Variants in ATP13A3 observed in about 807,000 individuals in gnomAD.
The protein encoded by ATP13A3 is ATPase 13A3, also known as polyamine-transporting ATPase 13A3.
Under a neutral mutation model 158.1 loss-of-function variants are expected in ATP13A3, and 59 were observed. The observed-to-expected ratio is 0.37, with a 90% CI of 0.30 to 0.46. The LOEUF (loss-of-function observed/expected upper bound fraction) is 0.46. Among genes scored for constraint, ATP13A3 ranks in the 20% least tolerant of loss-of-function variants. The pLI is 1.00. For synonymous variants in ATP13A3, 491 were observed against 504.3 expected, an observed-to-expected ratio of 0.97 and a Z score of 0.35; for missense variants, 1,166 against 1,525.2, an observed-to-expected ratio of 0.76 and a Z score of 3.92.
At chr3:194,426,725 C>A (rs1437949421) in intron 29 of ATP13A3, among the ~76,000 whole-genome samples, 2 of 152,124 alleles carry the variant, frequency 1.3e-5, no homozygotes, top group African/African-American at 4.8e-5. Context: ...AAAAAACAAT[C>A]TCTTGGCTCA....
chr3:194,454,473 A>G lies in ATP13A3; in HGVS notation c.631-81T>C. On this transcript the variant is annotated intron_variant, in intron 8 of 33. Transcript: ENST00000645319. Reference sequence around the variant, plus strand: ...TGTCCATCTTTTCATTTGACAAACAAAAAGATACAAATATGTACAAGATAA... The same window carrying G: ...TGTCCATCTTTTCATTTGACAAACAGAAAGATACAAATATGTACAAGATAA... 13 of 1,364,992 alleles carry G rather than the reference A, an allele frequency of 9.5e-6. 1 individual carries two copies. The South Asian group carries it at 1.6e-4, about 17-fold the overall frequency. 84.6% of individuals were successfully genotyped at this position (1,364,992 alleles called of 1,614,324 possible).
intron 10 of ATP13A3, chr3:194,451,905 G>A (rs924936278): frequency 1.3e-5 from 2 of 152,460 alleles, no homozygotes; most frequent in Admixed American, 6.5e-5. Flanking sequence ...TCACATTTAA[G>A]TATCTTTTGA....
intron 2 of ATP13A3, among the ~76,000 whole-genome samples, chr3:194,472,634 A>G (rs1720354813): frequency 6.6e-6 from 1 of 152,214 alleles, no homozygotes; most frequent in Non-Finnish European, 1.5e-5. Flanking sequence ...CAACCCAGCA[A>G]TCCCATTACT....
chr3:194,437,484 G>T lies in ATP13A3; in HGVS notation c.1846-20C>A. The T allele has an allele frequency of 1.2e-6, 2 of 1,613,730 alleles. No individual in the cohort carries two copies. The highest frequency in any genetic ancestry group is 2.2e-5 in the South Asian group (2 of 91,046). ...AGTAGCCTATATCATTTCAAAAGAGGCACAAAGCACTTAATATTCTTAAAG... is the reference window on the plus strand; with the variant it reads ...AGTAGCCTATATCATTTCAAAAGAGTCACAAAGCACTTAATATTCTTAAAG... On this transcript the variant is annotated intron_variant, in intron 18 of 33. Transcript: ENST00000645319.
At position 194,494,304 on chromosome 3, in the gene ATP13A3, A is replaced by G. The variant is rs1322290655; in HGVS notation, n.516-24T>C. 2.5e-6 allele frequency: 1 copy of G among 398,428 alleles called. No individual in the cohort carries two copies. The highest frequency in any genetic ancestry group is 2.1e-5 in the African/African-American group (1 of 48,590). 24.7% of individuals were successfully genotyped at this position (398,428 alleles called of 1,614,324 possible). On this transcript the variant is annotated intron_variant and non_coding_transcript_variant, in intron 1 of 32. Coordinates refer to the ATP13A3 transcript ENST00000687055. The surrounding 1 kb of genome is among the most constrained non-coding windows in gnomAD (Gnocchi z 4.2). ...TGCTGAGTAAGTGGAGAACAAGTTAACATTGATTTTCACAACCACGATGTC... is the reference window on the plus strand; with the variant it reads ...TGCTGAGTAAGTGGAGAACAAGTTAGCATTGATTTTCACAACCACGATGTC...
At position 194,405,853 on chromosome 3, in the gene ATP13A3, A is replaced by T; in HGVS notation, c.*66T>A. On this transcript the variant is annotated 3_prime_UTR_variant, in exon 34 of 34. Transcript: ENST00000645319. ...TAGTGCCATTCTGACACACAGGATC[A>T]GAAACTCCTAAAATCACATATTCCT... is the stretch of plus-strand genomic sequence containing the variant. 6.5e-7 allele frequency: 1 copy of T among 1,546,676 alleles called. No homozygotes were observed. Among genetic ancestry groups the T allele is most frequent in the South Asian group, 1.1e-5 (1 of 88,650 alleles).
chr3:194,472,182 T>A (rs1654547013), intron 2 of ATP13A3: 1 of 155,980 alleles, frequency 6.4e-6, no homozygotes, highest in Non-Finnish European at 1.5e-5. Context: ...ACCGTAGCCA[T>A]TTGCCCCAAT....
rs185727753 is a variant in ATP13A3, at chr3:194,460,454, C to G, written c.225+204G>C. Reference sequence around the variant, plus strand: ...GAGAGATGAAAGGAAGGGGGTGAATCTGATCATCTTTAAGATTCCTTTAAA... The same window carrying G: ...GAGAGATGAAAGGAAGGGGGTGAATGTGATCATCTTTAAGATTCCTTTAAA... On this transcript the variant is annotated intron_variant, in intron 4 of 33. Coordinates refer to ENST00000645319, the MANE Select transcript of ATP13A3 (RefSeq NM_001367549.1). Among the ~76,000 whole-genome samples the G allele has an allele frequency of 1.1e-4, 16 of 152,276 alleles. No homozygotes were observed. In the East Asian group the frequency reaches 3.1e-3, roughly 29 times the overall value.
intron 31 of ATP13A3, among the ~76,000 whole-genome samples, chr3:194,417,954 C>CGGAAGGAAGGAAGGAAGGAAGGAAGGAA (rs1491273681): frequency 2.1e-4 from 16 of 77,952 alleles, no homozygotes; most frequent in African/African-American, 9.7e-4. Context: ...GACAGACGGA[C>CGGAAGGAAGGAAGGAAGGAAGGAAGGAA]GGACGGAAGG....
At chr3:194,418,763 C>A (rs151256281) in intron 31 of ATP13A3, among the ~76,000 whole-genome samples, 1 of 152,236 alleles carries the variant, frequency 6.6e-6, no homozygotes, top group African/African-American at 2.4e-5. Flanking sequence ...CATCATGATA[C>A]CAGAATACAG....
chr3:194,459,718 GA>G, intron 5 of ATP13A3, 70 bp downstream of exon 5: 1 of 1,469,670 alleles, frequency 6.8e-7, no homozygotes, highest in Non-Finnish European at 9.2e-7. Flanking sequence ...CAAAATTATA[GA>G]ATATACATGA....
At chr3:194,433,634 T>A in intron 21 of ATP13A3, 138 bp downstream of exon 21, 1 of 1,073,090 alleles carries the variant, frequency 9.3e-7, no homozygotes, top group East Asian at 2.5e-5. Flanking sequence ...TGGGAAAATA[T>A]TCAGAGCTAA....
intron 8 of ATP13A3, 75 bp downstream of exon 8, chr3:194,455,818 T>G: frequency 2.1e-6 from 2 of 964,156 alleles, no homozygotes; most frequent in Non-Finnish European, 3.1e-6. Flanking sequence ...CCAAGAATAT[T>G]TTAATCACAA....
chr3:194,492,893 T>C (rs1383118245), intron 2 of ATP13A3, among the ~76,000 whole-genome samples: 1 of 152,182 alleles, frequency 6.6e-6, no homozygotes. Flanking sequence ...TTATGTAAGA[T>C]TGAAAAAATA....
rs561022772 is a variant in ATP13A3, at chr3:194,462,040, T to C, written c.51+100A>G. On this transcript the variant is annotated intron_variant, in intron 3 of 33. Coordinates refer to ENST00000645319, the MANE Select transcript of ATP13A3 (RefSeq NM_001367549.1). ...GAAAGAAGCCCATTGAGTTAGCTGC[T>C]GCCGCCACTGTTGTTAATTGCATTT... 81 of 1,127,916 alleles carry C rather than the reference T, an allele frequency of 7.2e-5. No homozygotes were observed. The African/African-American group carries it at 9.3e-4, about 13-fold the overall frequency. The allele number at this position is 1,127,916 out of a possible 1,614,324, so 69.9% of individuals were successfully genotyped here.
At chr3:194,435,636 C>T (rs1248601637) in intron 20 of ATP13A3, among the ~76,000 whole-genome samples, 1 of 152,188 alleles carries the variant, frequency 6.6e-6, no homozygotes, top group African/African-American at 2.4e-5. Flanking sequence ...CAGCCGGGTG[C>T]AGTGGCTCAC....
chr3:194,453,369 G>C (rs1021423010), intron 10 of ATP13A3, among the ~76,000 whole-genome samples: 7 of 150,958 alleles, frequency 4.6e-5, no homozygotes, highest in African/African-American at 1.7e-4. Context: ...CAGGTGGGCA[G>C]ATCACTTCAG....
chr3:194,436,248 A>G (rs1717629473), intron 20 of ATP13A3, among the ~76,000 whole-genome samples: 2 of 152,170 alleles, frequency 1.3e-5, no homozygotes, highest in African/African-American at 4.8e-5. Flanking sequence ...AAATATTCCT[A>G]AACAAAAATG....
At chr3:194,446,470 G>C (rs566199818) in intron 14 of ATP13A3, among the ~76,000 whole-genome samples, 1 of 152,278 alleles carries the variant, frequency 6.6e-6, no homozygotes, top group South Asian at 2.1e-4. Context: ...TCCGCCAGTT[G>C]CTGAGATACG....
Sources: allele counts gnomAD v4.1 joint callset (sites outside exome capture counted in the v4.1 genomes callset), GRCh38; gene constraint gnomAD v4.1.1; non-coding constraint Gnocchi (gnomAD v3.1); transcripts MANE v1.5; gene names NCBI Gene and HGNC (gene_info 2026-07-23, HGNC 2026-07-21).